FSTL5: variants seen among roughly 807,000 people sequenced by gnomAD.
FSTL5 encodes the protein follistatin like 5, also known as follistatin-related protein 5.
In FSTL5, 62 loss-of-function variants were observed where a neutral mutation model predicts 89.1. That is an observed-to-expected ratio of 0.70 (90% CI 0.57 to 0.86). The LOEUF (loss-of-function observed/expected upper bound fraction) is 0.86, where lower values mean the gene tolerates loss of function less well. Ranked by LOEUF, FSTL5 falls within the 40% of genes least tolerant of loss-of-function variation. The pLI, the probability that FSTL5 is intolerant of heterozygous loss-of-function variation, is 0.00. For synonymous variants in FSTL5, 383 were observed against 346.2 expected, an observed-to-expected ratio of 1.11 and a Z score of -1.18; for missense variants, 1,057 against 1,001.6, an observed-to-expected ratio of 1.06 and a Z score of -0.75.
intron 3 of FSTL5, among the ~76,000 whole-genome samples, chr4:161,952,136 G>T (rs1724177987): frequency 6.6e-6 from 1 of 152,014 alleles, no homozygotes; most frequent in African/African-American, 2.4e-5. Context: ...GTTATAAGAA[G>T]TCAAATAATG....
At chr4:161,413,863 G>T (rs1218681943) in intron 15 of FSTL5, among the ~76,000 whole-genome samples, 1 of 152,140 alleles carries the variant, frequency 6.6e-6, no homozygotes, top group Non-Finnish European at 1.5e-5. Flanking sequence ...GTAAGCGGTA[G>T]CTAAGCATTT....
intron 4 of FSTL5, among the ~76,000 whole-genome samples, chr4:161,781,313 G>T (rs946264828): frequency 6.7e-6 from 1 of 149,592 alleles, no homozygotes; most frequent in South Asian, 2.1e-4. Context: ...CTTGGTTAAA[G>T]GTAGCCTGAA....
At chr4:161,870,396 G>A (rs1382395358) in intron 4 of FSTL5, among the ~76,000 whole-genome samples, 4 of 151,506 alleles carry the variant, frequency 2.6e-5, no homozygotes, top group Non-Finnish European at 5.9e-5. Context: ...AGGAGAGACA[G>A]TAAAAAAAGA....
intron 4 of FSTL5, among the ~76,000 whole-genome samples, chr4:161,899,066 C>T (rs928611156): frequency 6.6e-6 from 1 of 152,130 alleles, no homozygotes; most frequent in Non-Finnish European, 1.5e-5. Flanking sequence ...AGAGTAACTC[C>T]ATCATCAATA....
intron 6 of FSTL5, among the ~76,000 whole-genome samples, chr4:161,714,210 T>C (rs149843301): frequency 6.9e-4 from 105 of 152,158 alleles, no homozygotes; most frequent in East Asian, 5.6e-3. Context: ...CAGAAACTCA[T>C]TAAAGTGTGT....
chr4:161,879,367 T>A (rs890932840), intron 4 of FSTL5, among the ~76,000 whole-genome samples: 1 of 152,188 alleles, frequency 6.6e-6, no homozygotes, highest in Non-Finnish European at 1.5e-5. Flanking sequence ...TGCAAATTAT[T>A]CATGACACAG....
At chr4:161,843,908 C>A (rs1038465221) in intron 4 of FSTL5, among the ~76,000 whole-genome samples, 6 of 152,044 alleles carry the variant, frequency 3.9e-5, no homozygotes, top group African/African-American at 9.7e-5. Context: ...GACTAAAACA[C>A]CAAAAGCAAT....
intron 3 of FSTL5, among the ~76,000 whole-genome samples, chr4:161,942,927 C>T (rs541457631): frequency 3.9e-5 from 6 of 152,100 alleles, no homozygotes; most frequent in African/African-American, 7.2e-5. Flanking sequence ...TGTCAAAATG[C>T]TAAATAAACC....
chr4:161,575,423 T>C (rs1027682559), intron 8 of FSTL5, among the ~76,000 whole-genome samples: 1 of 152,142 alleles, frequency 6.6e-6, no homozygotes, highest in African/African-American at 2.4e-5. Flanking sequence ...TGCCCATGCC[T>C]ATGTCTTGAA....
At chr4:162,142,243 G>A (rs1299708339) in intron 1 of FSTL5, among the ~76,000 whole-genome samples, 1 of 152,076 alleles carries the variant, frequency 6.6e-6, no homozygotes, top group African/African-American at 2.4e-5. Flanking sequence ...TGAGAGTGTG[G>A]TGTCCTGAAA....
intron 15 of FSTL5, among the ~76,000 whole-genome samples, chr4:161,429,130 G>A (rs1224335479): frequency 6.6e-6 from 1 of 152,078 alleles, no homozygotes; most frequent in East Asian, 2.0e-4. Flanking sequence ...GAGTGAAAAT[G>A]GGAGGGAAGA....
chr4:161,775,568 A>G (rs912869862), intron 5 of FSTL5, among the ~76,000 whole-genome samples: 2 of 152,250 alleles, frequency 1.3e-5, no homozygotes, highest in Admixed American at 6.5e-5. Context: ...CATGATCTCC[A>G]GAATACATTA....
chr4:161,436,356 C>G (rs1453332366), intron 15 of FSTL5, among the ~76,000 whole-genome samples: 1 of 152,178 alleles, frequency 6.6e-6, no homozygotes, highest in South Asian at 2.1e-4. Context: ...TTGGCTGCTG[C>G]TTGCTTGCCT....
At chr4:161,504,352 T>G (rs1465228723) in intron 11 of FSTL5, among the ~76,000 whole-genome samples, 2 of 152,004 alleles carry the variant, frequency 1.3e-5, no homozygotes, top group Non-Finnish European at 2.9e-5. Context: ...TGGTGATCAT[T>G]ACTTCTCTCT....
intron 6 of FSTL5, among the ~76,000 whole-genome samples, chr4:161,703,920 A>G (rs1236488950): frequency 6.6e-6 from 1 of 152,162 alleles, no homozygotes; most frequent in Non-Finnish European, 1.5e-5. Flanking sequence ...TTTCATAGAA[A>G]ATAAACTTTG....
chr4:161,760,790 A>G (rs1311685199), intron 5 of FSTL5, among the ~76,000 whole-genome samples: 3 of 152,194 alleles, frequency 2.0e-5, no homozygotes, highest in African/African-American at 4.8e-5. Flanking sequence ...TTTCTTTAGT[A>G]CAGCAAAGGC....
rs142105475 is a variant in FSTL5 at position 161,663,101 on chromosome 4, A to G, written c.728-6607T>C. 9.9e-5 allele frequency among the ~76,000 whole-genome samples: 15 copies of G among 152,212 alleles called. 1 individual carries two copies. The East Asian group carries it at 2.9e-3, about 30-fold the overall frequency. On this transcript the variant is annotated intron_variant, in intron 6 of 15. Coordinates refer to ENST00000306100, the MANE Select transcript of FSTL5 (RefSeq NM_020116.5). ...AGTTACCTTCCCCTGGGTCCCTCCT[A>G]CAACACATGAGAATTCCGGGAGATA...
chr4:161,784,900 A>AACAAAAACAAAAACAAAAG (rs774405545), intron 4 of FSTL5, among the ~76,000 whole-genome samples: 1 of 146,274 alleles, frequency 6.8e-6, no homozygotes, highest in African/African-American at 2.6e-5. Flanking sequence ...CTCAAAAAAA[A>AACAAAAACAAAAACAAAAG]CAAAAACAAA....
chr4:161,929,315 A>G (rs1186177018), intron 3 of FSTL5, among the ~76,000 whole-genome samples: 3 of 149,246 alleles, frequency 2.0e-5, no homozygotes, highest in African/African-American at 4.9e-5. Flanking sequence ...ACTCTGTTCC[A>G]TCACTCTTTT....
Sources: gnomAD v4.1 joint callset for allele counts (sites outside exome capture counted in the v4.1 genomes callset) on GRCh38, gnomAD v4.1.1 for gene constraint, MANE v1.5 for transcripts, NCBI Gene and HGNC (gene_info 2026-07-23, HGNC 2026-07-21) for gene names.